The following MPPED2 variants were observed in gnomAD, a reference collection of about 807,000 sequenced individuals.
MPPED2 encodes the protein metallophosphoesterase MPPED2.
Under a neutral mutation model 33.0 loss-of-function variants are expected in MPPED2, and 5 were observed. That is an observed-to-expected ratio of 0.15 (90% CI 0.08 to 0.32). The LOEUF (loss-of-function observed/expected upper bound fraction) is 0.32. Among genes scored for constraint, MPPED2 ranks in the 10% least tolerant of loss-of-function variants. MPPED2 has a pLI of 1.00. For synonymous variants in MPPED2, 136 were observed against 141.9 expected (o/e 0.96, Z 0.29); for missense variants, 275 against 372.1 (o/e 0.74, Z 2.15).
chr11:30,564,350 A>G (rs1459437649), intron 2 of MPPED2, among the ~76,000 whole-genome samples: 1 of 152,208 alleles, frequency 6.6e-6, no homozygotes, highest in Non-Finnish European at 1.5e-5. Context: ...GATCATGACG[A>G]TAACACCAAA....
chr11:30,422,895 G>C (rs1948671334), intron 4 of MPPED2, among the ~76,000 whole-genome samples: 1 of 152,164 alleles, frequency 6.6e-6, no homozygotes, highest in Non-Finnish European at 1.5e-5. Context: ...GACTCAGATG[G>C]ATGGAAGCTG....
chr11:30,563,671 G>A (rs982522550), intron 2 of MPPED2, among the ~76,000 whole-genome samples: 2 of 152,206 alleles, frequency 1.3e-5, no homozygotes, highest in African/African-American at 2.4e-5. Context: ...AGGGTGGGGA[G>A]ATTCTGAGTT....
At chr11:30,561,624 G>A (rs111758734) in intron 2 of MPPED2, among the ~76,000 whole-genome samples, 2,187 of 152,228 alleles carry the variant, frequency 0.014, 33 homozygotes, top group Non-Finnish European at 0.018. Flanking sequence ...AGCAACCTAG[G>A]CAAAGAGGGT....
intron 4 of MPPED2, among the ~76,000 whole-genome samples, chr11:30,490,538 C>G (rs368224535): frequency 2.0e-5 from 3 of 152,184 alleles, no homozygotes; most frequent in Admixed American, 6.5e-5. Flanking sequence ...TTTGAGGGAG[C>G]CCCTTTCCTT....
At chr11:30,495,784 A>G (rs1952222762) in intron 3 of MPPED2, among the ~76,000 whole-genome samples, 1 of 152,244 alleles carries the variant, frequency 6.6e-6, no homozygotes, top group Non-Finnish European at 1.5e-5. Context: ...TCTGTATGCT[A>G]TGTATTCATT....
At chr11:30,501,753 T>C (rs1020956497) in intron 3 of MPPED2, 1 of 210,162 alleles carries the variant, frequency 4.8e-6, no homozygotes, top group African/African-American at 2.4e-5. Flanking sequence ...TCTCCAGCTA[T>C]GCACATGTCT....
intron 6 of MPPED2, among the ~76,000 whole-genome samples, chr11:30,393,377 T>A (rs947350225): frequency 6.6e-6 from 1 of 152,140 alleles, no homozygotes; most frequent in Non-Finnish European, 1.5e-5. Context: ...AAAGCATGCC[T>A]CCAACTCAAA....
At chr11:30,385,125 G>T (rs145425712) in exon 7 of MPPED2, 1 of 152,140 alleles carries the variant, frequency 6.6e-6, no homozygotes, top group African/African-American at 2.4e-5. Flanking sequence ...GTTTTGTAAC[G>T]TGTGTGTAAG....
At chr11:30,558,382 TTTTC>T (rs1052923242) in intron 2 of MPPED2, among the ~76,000 whole-genome samples, 1 of 151,842 alleles carries the variant, frequency 6.6e-6, no homozygotes, top group African/African-American at 2.4e-5. Context: ...TTTTTCCCCT[TTTTC>T]TTTCTCTTTC....
chr11:30,490,300 C>CA (rs1951920375), intron 4 of MPPED2, among the ~76,000 whole-genome samples: 1 of 152,014 alleles, frequency 6.6e-6, no homozygotes, highest in Non-Finnish European at 1.5e-5. Flanking sequence ...TGCCTGACAA[C>CA]AAAAAACCTT....
At chr11:30,538,238 T>A (rs1954918955) in intron 2 of MPPED2, among the ~76,000 whole-genome samples, 1 of 152,166 alleles carries the variant, frequency 6.6e-6, no homozygotes, top group Admixed American at 6.5e-5. Flanking sequence ...AATACTAACA[T>A]ACAGACACAG....
At chr11:30,532,879 T>C (rs911627267) in intron 3 of MPPED2, among the ~76,000 whole-genome samples, 16 of 152,214 alleles carry the variant, frequency 1.1e-4, no homozygotes, top group African/African-American at 3.4e-4. Flanking sequence ...CCAGGGATCA[T>C]CATCTCTGAA....
chr11:30,480,430 G>A (rs952281310), intron 4 of MPPED2, among the ~76,000 whole-genome samples: 2 of 152,042 alleles, frequency 1.3e-5, no homozygotes, highest in African/African-American at 4.8e-5. Flanking sequence ...TGACTAAAAT[G>A]AGACTTTCAG....
intron 3 of MPPED2, among the ~76,000 whole-genome samples, chr11:30,497,815 G>A (rs562818953): frequency 6.6e-6 from 1 of 152,062 alleles, no homozygotes; most frequent in Admixed American, 6.5e-5. Context: ...AGCATAAAAA[G>A]GTAGCCACCA....
chr11:30,544,007 A>T (rs1249001499), intron 2 of MPPED2, among the ~76,000 whole-genome samples: 1 of 152,134 alleles, frequency 6.6e-6, no homozygotes, highest in Non-Finnish European at 1.5e-5. Context: ...TAGCTAACAA[A>T]GCCCACTGCA....
At chr11:30,439,269 TG>T (rs759456193) in intron 4 of MPPED2, among the ~76,000 whole-genome samples, 1 of 152,214 alleles carries the variant, frequency 6.6e-6, no homozygotes, top group Non-Finnish European at 1.5e-5. Context: ...TAATGAGATC[TG>T]GGAAGTGTCT....
intron 3 of MPPED2, among the ~76,000 whole-genome samples, chr11:30,521,428 G>A (rs776821676): frequency 2.0e-5 from 3 of 152,120 alleles, no homozygotes; most frequent in African/African-American, 4.8e-5. Flanking sequence ...GTTTCCACAA[G>A]GACTAACAGC....
chr11:30,492,233 G>A (rs1266216068), intron 4 of MPPED2, among the ~76,000 whole-genome samples: 1 of 152,152 alleles, frequency 6.6e-6, no homozygotes, highest in African/African-American at 2.4e-5. Flanking sequence ...GATGCTGCAA[G>A]ATCTGCCTGA....
chr11:30,580,618 C>A (rs1031961667), intron 1 of MPPED2, 124 bp from the exon 2 acceptor site: 49 of 938,868 alleles, frequency 5.2e-5, no homozygotes, highest in Non-Finnish European at 6.8e-5. Context: ...GTTGTTGGCT[C>A]ATGGATACAA....
Sources: gnomAD v4.1 joint callset for allele counts (sites outside exome capture counted in the v4.1 genomes callset) on GRCh38, gnomAD v4.1.1 for gene constraint, MANE v1.5 for transcripts, NCBI Gene and HGNC (gene_info 2026-07-23, HGNC 2026-07-21) for gene names.